Variants in NAA16 observed in about 807,000 individuals in gnomAD.
The protein encoded by NAA16 is N-alpha-acetyltransferase 16, NatA auxiliary subunit, also known as NARG1-like protein.
In NAA16, 97 loss-of-function variants were observed where a neutral mutation model predicts 110.3. That is an observed-to-expected ratio of 0.88 (90% CI 0.75 to 1.04). The LOEUF is 1.04. Ranked by LOEUF, NAA16 falls within the 50% of genes least tolerant of loss-of-function variation. NAA16 has a pLI of 0.00. For synonymous variants in NAA16, 372 were observed against 330.6 expected (o/e 1.13, Z -1.36); for missense variants, 1,017 against 1,005.1 (o/e 1.01, Z -0.16).
intron 7 of NAA16, among the ~76,000 whole-genome samples, chr13:41,330,420 G>A (rs992024771): frequency 1.3e-5 from 2 of 151,810 alleles, no homozygotes; most frequent in Non-Finnish European, 2.9e-5. Flanking sequence ...GTTATTCTTA[G>A]GATAGTTATT....
At chr13:41,363,538 A>T (rs988670212) in intron 13 of NAA16, among the ~76,000 whole-genome samples, 6 of 152,180 alleles carry the variant, frequency 3.9e-5, no homozygotes, top group Non-Finnish European at 8.8e-5. Flanking sequence ...TTAGAATATG[A>T]TAAGTGGATC....
At chr13:41,369,911 C>G (rs1251679462) in intron 15 of NAA16, among the ~76,000 whole-genome samples, 1 of 152,168 alleles carries the variant, frequency 6.6e-6, no homozygotes, top group Non-Finnish European at 1.5e-5. Context: ...AGAACTATAA[C>G]ATAATAAGTG....
intron 15 of NAA16, among the ~76,000 whole-genome samples, chr13:41,369,851 G>C (rs1319946341): frequency 6.6e-6 from 1 of 152,196 alleles, no homozygotes; most frequent in African/African-American, 2.4e-5. Flanking sequence ...CAGTCCTGCT[G>C]ACACCTTGAT....
At chr13:41,321,747 C>T (rs1374704925) in intron 4 of NAA16, among the ~76,000 whole-genome samples, 3 of 128,834 alleles carry the variant, frequency 2.3e-5, no homozygotes, top group Middle Eastern at 3.8e-3. Context: ...ATCCTAGAAT[C>T]AGTATGTCCA....
chr13:41,346,900 T>C lies in NAA16; in HGVS notation c.1015-8244T>C, dbSNP rs114241450. Among the ~76,000 whole-genome samples, 565 of 152,274 alleles carry C rather than the reference T, an allele frequency of 3.7e-3. 6 individuals carry two copies. Among genetic ancestry groups the C allele is most frequent in the African/African-American group, 0.013 (538 of 41,540 alleles). The stretch of plus-strand genomic sequence containing the variant: ...GCCAGTGCCATACTGTCTTGCTTAC[T>C]GTAGCAGTGTGGTAAGTTTTGAAAT... On this transcript the variant is annotated intron_variant, in intron 9 of 19. Transcript: ENST00000379406.
chr13:41,336,856 G>T, intron 9 of NAA16, 100 bp downstream of exon 9: 1 of 623,986 alleles, frequency 1.6e-6, no homozygotes, highest in East Asian at 3.0e-5. Context: ...CATTTTCTTT[G>T]TTTCAGTAAT....
At chr13:41,321,045 A>G (rs529335574) in intron 4 of NAA16, among the ~76,000 whole-genome samples, 1 of 152,356 alleles carries the variant, frequency 6.6e-6, no homozygotes, top group African/African-American at 2.4e-5. Context: ...CACGCCTGTA[A>G]TCCCAGCAGT....
intron 9 of NAA16, 44 bp from the exon 10 acceptor site, chr13:41,355,096 ACCTT>A: frequency 8.4e-7 from 1 of 1,184,456 alleles, no homozygotes; most frequent in Non-Finnish European, 1.2e-6. Context: ...AGGTAAAAAT[ACCTT>A]CAAGAAGATA....
In NAA16 at chr13:41,358,394, C is replaced by T; in HGVS notation, c.1178C>T (p.Ala393Val). 1 of 1,613,502 alleles carries T rather than the reference C, an allele frequency of 6.2e-7. No individual in the cohort carries two copies. Among genetic ancestry groups the T allele is most frequent in the South Asian group, 1.1e-5 (1 of 91,064 alleles). Reference sequence around the variant, plus strand: ...GATAAACTTGGACAGTATTCTTTGGCTTTGGATTATATTAATGCTGCAATT... The same window carrying T: ...GATAAACTTGGACAGTATTCTTTGGTTTTGGATTATATTAATGCTGCAATT... ...HFDKLGQYSL[A>V]LDYINAAIAS... Residue 393 changes from alanine to valine, a missense_variant, in exon 11 of 20, where the codon GCT (alanine) becomes GTT (valine). Ala to Val is a moderately conservative substitution (Grantham distance 64). Transcript: ENST00000379406.
intron 5 of NAA16, among the ~76,000 whole-genome samples, chr13:41,325,012 G>A (rs1593425796): frequency 7.6e-6 from 1 of 131,952 alleles, no homozygotes; most frequent in East Asian, 2.5e-4. Context: ...AGGCTGGAGT[G>A]CAGTGGCGCA....
At chr13:41,351,833 A>C (rs1347027332) in intron 9 of NAA16, among the ~76,000 whole-genome samples, 1 of 152,192 alleles carries the variant, frequency 6.6e-6, no homozygotes, top group East Asian at 1.9e-4. Flanking sequence ...TCAGATACTT[A>C]AGTGGATTGG....
chr13:41,372,712 T>A lies in NAA16; in HGVS notation c.2057-20T>A. 1 of 1,580,228 alleles carries A rather than the reference T, an allele frequency of 6.3e-7. No homozygotes were observed. On this transcript the variant is annotated intron_variant, in intron 16 of 19. Coordinates refer to ENST00000379406, the MANE Select transcript of NAA16 (RefSeq NM_024561.5). ...TGTGTAAGTATTAATGCTATTACTT[T>A]TGTATTTTTTCTGACACAGGAAAGT...
At chr13:41,318,286 ACCTCTG>A (rs1271210152) in intron 2 of NAA16, among the ~76,000 whole-genome samples, 2 of 151,620 alleles carry the variant, frequency 1.3e-5, no homozygotes, top group Non-Finnish European at 2.9e-5. Flanking sequence ...GCTCACTGCA[ACCTCTG>A]CCTCCTGGGT....
intron 9 of NAA16, among the ~76,000 whole-genome samples, chr13:41,338,447 C>T (rs1593457483): frequency 1.3e-5 from 2 of 152,014 alleles, no homozygotes; most frequent in Non-Finnish European, 2.9e-5. Context: ...GAATAAGGCA[C>T]TGAGAATACA....
At chr13:41,322,146 G>C (rs2139382970) in intron 4 of NAA16, among the ~76,000 whole-genome samples, 1 of 152,264 alleles carries the variant, frequency 6.6e-6, no homozygotes, top group South Asian at 2.1e-4. Context: ...TACTTGAGAG[G>C]CTGATGTAGA....
In NAA16 at chr13:41,311,595, A is replaced by T; in HGVS notation, c.54+13A>T. 1 of 1,602,032 alleles carries T rather than the reference A, an allele frequency of 6.2e-7. No homozygotes were observed. Among genetic ancestry groups the T allele is most frequent in the East Asian group, 2.3e-5 (1 of 44,164 alleles). On this transcript the variant is annotated intron_variant, in intron 1 of 19. Coordinates refer to ENST00000379406, the MANE Select transcript of NAA16 (RefSeq NM_024561.5). ...CAAACGCATCTTGGTGAGTGGCCGT[A>T]GGCCGCGCTGCCGCCCCCCGGTCCC...
In NAA16 at chr13:41,314,536, T is replaced by C. The variant is rs80274834; in HGVS notation, c.55-2310T>C. Among the ~76,000 whole-genome samples the C allele has an allele frequency of 8.5e-3, 1,237 of 146,364 alleles. 17 individuals are homozygous for C. Among genetic ancestry groups the C allele is most frequent in the African/African-American group, 0.029 (1,174 of 40,960 alleles). On this transcript the variant is annotated intron_variant, in intron 1 of 19. Transcript: ENST00000379406. Reference sequence around the variant, plus strand: ...CTGTCAAGAGGCCTCAATATAAACTTTTTTTCCATGAAGACTTTTCTAATT... The same window carrying C: ...CTGTCAAGAGGCCTCAATATAAACTCTTTTTCCATGAAGACTTTTCTAATT...
intron 9 of NAA16, among the ~76,000 whole-genome samples, chr13:41,342,057 C>A (rs1379386332): frequency 1.3e-5 from 2 of 151,356 alleles, no homozygotes; most frequent in African/African-American, 4.9e-5. Context: ...TGGTCTCGAT[C>A]TCCTGACCTC....
At chr13:41,319,535 G>T (rs1205954218) in intron 3 of NAA16, among the ~76,000 whole-genome samples, 2 of 151,678 alleles carry the variant, frequency 1.3e-5, no homozygotes, top group Non-Finnish European at 2.9e-5. Flanking sequence ...GTTTTTTGGG[G>T]GGAGGGAGTC....
Sources: allele counts gnomAD v4.1 joint callset (sites outside exome capture counted in the v4.1 genomes callset), GRCh38; gene constraint gnomAD v4.1.1; transcripts MANE v1.5; gene names NCBI Gene and HGNC (gene_info 2026-07-23, HGNC 2026-07-21).